NFIB: variants seen among roughly 807,000 people sequenced by gnomAD.
The protein encoded by NFIB is nuclear factor I B.
Under a neutral mutation model 61.5 loss-of-function variants are expected in NFIB, and 11 were observed. That is an observed-to-expected ratio of 0.18 (90% CI 0.11 to 0.30). NFIB has a LOEUF of 0.30. Ranked by LOEUF, NFIB falls within the 10% of genes least tolerant of loss-of-function variation. The pLI is 1.00. For synonymous variants in NFIB, 260 were observed against 216.5 expected, an observed-to-expected ratio of 1.20 and a Z score of -1.76; for missense variants, 471 against 608.9, an observed-to-expected ratio of 0.77 and a Z score of 2.38.
the NFIB span, among the ~76,000 whole-genome samples, chr9:14,441,349 G>A: frequency 2.0e-5 from 3 of 152,288 alleles, no homozygotes; most frequent in African/African-American, 7.2e-5. Flanking sequence ...GCAAGGCTCA[G>A]TGGGTCTGCG....
Position 14,141,285 on chromosome 9 carries a change from T to C in NFIB, c.925+5404A>G, listed in dbSNP as rs1002816518. ...AACTGGAGACTTGTATAAAAATTAG[T>C]AGTTTTATTTTTTAGTACCTAAGAC... On this transcript the variant is annotated intron_variant, in intron 6 of 10. Coordinates refer to ENST00000380953, the MANE Select transcript of NFIB (RefSeq NM_001190737.2). Among the ~76,000 whole-genome samples the C allele has an allele frequency of 6.6e-5, 10 of 152,260 alleles. No individual in the cohort carries two copies. The East Asian group carries it at 1.2e-3, about 18-fold the overall frequency.
At chr9:14,422,916 A>G in the NFIB span, among the ~76,000 whole-genome samples, 1 of 152,184 alleles carries the variant, frequency 6.6e-6, no homozygotes. Context: ...GCCTCCATCT[A>G]GAGGAAGATG....
chr9:14,379,041 T>C (rs2061453139), intron 1 of NFIB, among the ~76,000 whole-genome samples: 1 of 152,190 alleles, frequency 6.6e-6, no homozygotes, highest in Non-Finnish European at 1.5e-5. Context: ...ACAAGCAGAG[T>C]TCACAGGTAT....
intron 2 of NFIB, among the ~76,000 whole-genome samples, chr9:14,200,382 T>C (rs1475806753): frequency 6.6e-6 from 1 of 152,116 alleles, no homozygotes; most frequent in Non-Finnish European, 1.5e-5. Flanking sequence ...TTCAGTGAAG[T>C]TAGACCAAGG....
At chr9:14,483,909 C>T in the NFIB span, among the ~76,000 whole-genome samples, 1 of 152,118 alleles carries the variant, frequency 6.6e-6, no homozygotes, top group Non-Finnish European at 1.5e-5. Context: ...ATTCTTGGCA[C>T]AAGGCAGATC....
chr9:14,373,269 A>G (rs1283855865), intron 1 of NFIB, among the ~76,000 whole-genome samples: 5 of 152,256 alleles, frequency 3.3e-5, no homozygotes, highest in Non-Finnish European at 5.9e-5. Context: ...AATTCTTTTT[A>G]CAGTGGTGTG....
the NFIB span, among the ~76,000 whole-genome samples, chr9:14,467,085 G>C: frequency 6.6e-6 from 1 of 152,218 alleles, no homozygotes; most frequent in African/African-American, 2.4e-5. Flanking sequence ...TCTAATGAGA[G>C]AGACTTCTAG....
intron 10 of NFIB, among the ~76,000 whole-genome samples, chr9:14,092,004 T>TC (rs1269185898): frequency 6.6e-6 from 1 of 151,928 alleles, no homozygotes; most frequent in South Asian, 2.1e-4. Flanking sequence ...ATGACATGGC[T>TC]CCCCCCAAAA....
chr9:14,488,229 G>A, the NFIB span, among the ~76,000 whole-genome samples: 1 of 151,962 alleles, frequency 6.6e-6, no homozygotes, highest in Non-Finnish European at 1.5e-5. Context: ...CAGGTATAGT[G>A]GCCCAAGCCT....
At chr9:14,125,595 A>G in intron 7 of NFIB, 37 bp downstream of exon 7, 3 of 1,611,520 alleles carry the variant, frequency 1.9e-6, no homozygotes, top group Non-Finnish European at 2.5e-6. Context: ...CCTACAGACA[A>G]GAAGGAGGCT....
the NFIB span, among the ~76,000 whole-genome samples, chr9:14,492,848 G>A: frequency 6.6e-6 from 1 of 152,136 alleles, no homozygotes; most frequent in Non-Finnish European, 1.5e-5. Flanking sequence ...TGTGAGAGGG[G>A]GTGTGTCCAC....
At chr9:14,489,639 C>T in the NFIB span, among the ~76,000 whole-genome samples, 4 of 152,042 alleles carry the variant, frequency 2.6e-5, no homozygotes, top group Non-Finnish European at 5.9e-5. Context: ...TAGGGACAAT[C>T]GCTATTCAAA....
chr9:14,522,347 T>C, the NFIB span, among the ~76,000 whole-genome samples: 2 of 152,204 alleles, frequency 1.3e-5, no homozygotes, highest in African/African-American at 4.8e-5. Context: ...TGGTTTGTAT[T>C]ATGTGGGGTA....
intron 2 of NFIB, among the ~76,000 whole-genome samples, chr9:14,211,715 G>C (rs1402689465): frequency 6.6e-6 from 1 of 152,220 alleles, no homozygotes; most frequent in African/African-American, 2.4e-5. Flanking sequence ...CGTCTGAGCT[G>C]TGCTTCCCCA....
chr9:14,476,202 T>C, the NFIB span, among the ~76,000 whole-genome samples: 1 of 150,918 alleles, frequency 6.6e-6, no homozygotes, highest in Non-Finnish European at 1.5e-5. Flanking sequence ...GATTTGCAAA[T>C]GACAAAGATA....
At chr9:14,503,441 A>C in the NFIB span, among the ~76,000 whole-genome samples, 1 of 152,088 alleles carries the variant, frequency 6.6e-6, no homozygotes, top group Non-Finnish European at 1.5e-5. Context: ...CACCACATCC[A>C]CCAACATCTG....
chr9:14,500,616 G>A, the NFIB span, among the ~76,000 whole-genome samples: 1 of 152,000 alleles, frequency 6.6e-6, no homozygotes, highest in Non-Finnish European at 1.5e-5. Flanking sequence ...ATTTACTTTA[G>A]AATCCCAGTG....
chr9:14,444,155 T>C, the NFIB span, among the ~76,000 whole-genome samples: 1 of 152,186 alleles, frequency 6.6e-6, no homozygotes, highest in African/African-American at 2.4e-5. Context: ...AAGATCCAAA[T>C]TGAGATATCA....
At chr9:14,389,107 TTC>T (rs1423080568) in intron 1 of NFIB, among the ~76,000 whole-genome samples, 1 of 152,194 alleles carries the variant, frequency 6.6e-6, no homozygotes, top group Non-Finnish European at 1.5e-5. Flanking sequence ...AAACAACATT[TTC>T]TGTTTCTAAA....
Sources: allele counts gnomAD v4.1 joint callset (sites outside exome capture counted in the v4.1 genomes callset), GRCh38; gene constraint gnomAD v4.1.1; transcripts MANE v1.5; gene names NCBI Gene and HGNC (gene_info 2026-07-23, HGNC 2026-07-21).